FAM53B: variants seen among roughly 807,000 people sequenced by gnomAD.
The protein encoded by FAM53B is family with sequence similarity 53 member B.
FAM53B carries 12 observed loss-of-function variants against 32.7 expected under a neutral mutation model. The ratio of observed to expected loss-of-function variants is 0.37; its 90% CI spans 0.24 to 0.59. The LOEUF (loss-of-function observed/expected upper bound fraction) is 0.59. Ranked by LOEUF, FAM53B falls within the 20% of genes least tolerant of loss-of-function variation. The pLI, the probability that FAM53B is intolerant of heterozygous loss-of-function variation, is 0.72. For synonymous variants in FAM53B, 234 were observed against 228.7 expected, an observed-to-expected ratio of 1.02 and a Z score of -0.21; for missense variants, 477 against 577.7, an observed-to-expected ratio of 0.83 and a Z score of 1.79.
At position 124,619,496 on chromosome 10, in the gene FAM53B, G is replaced by A. The variant is rs1031784325; in HGVS notation, c.*3746C>T. On this transcript the variant is annotated 3_prime_UTR_variant, in exon 5 of 5. Transcript: ENST00000337318. ...CACCCACAACATCCAGCTCAGGGAA[G>A]CCCCTGCAGCCCCAGAAACAGCCTA... 6.6e-6 allele frequency: 1 copy of A among 152,286 alleles called. No homozygotes were observed. Among genetic ancestry groups the A allele is most frequent in the South Asian group, 2.1e-4 (1 of 4,814 alleles). 9.4% of individuals were successfully genotyped at this position (152,286 alleles called of 1,614,324 possible). A position where few individuals can be genotyped will look rare whatever the true frequency, so the allele number is the denominator to read the frequency against.
chr10:124,629,138 CG>C (rs1036040369), intron 4 of FAM53B, among the ~76,000 whole-genome samples: 2 of 152,252 alleles, frequency 1.3e-5, no homozygotes, highest in African/African-American at 4.8e-5. Context: ...AGACTGGCCA[CG>C]GGGCCCTGTG....
chr10:124,673,238 T>C (rs1297072001), intron 4 of FAM53B, among the ~76,000 whole-genome samples: 1 of 152,122 alleles, frequency 6.6e-6, no homozygotes, highest in African/African-American at 2.4e-5. Context: ...CTGCTCACTG[T>C]TGTCCCAAAG....
chr10:124,638,168 G>A (rs1465392445), intron 4 of FAM53B, among the ~76,000 whole-genome samples: 1 of 152,208 alleles, frequency 6.6e-6, no homozygotes, highest in Non-Finnish European at 1.5e-5. Context: ...AGGAGATTGA[G>A]ACCATCCTGG....
intron 4 of FAM53B, among the ~76,000 whole-genome samples, chr10:124,650,961 C>CA (rs144065479): frequency 0.061 from 9,229 of 152,134 alleles, 335 homozygotes; most frequent in East Asian, 0.12. Flanking sequence ...TGCGAGGACT[C>CA]ACGGGCGCTG....
intron 4 of FAM53B, among the ~76,000 whole-genome samples, chr10:124,644,922 C>T (rs1949502060): frequency 6.6e-6 from 1 of 152,190 alleles, no homozygotes; most frequent in Admixed American, 6.5e-5. Flanking sequence ...GATGGTGGCC[C>T]CTCCACATCC....
chr10:124,701,487 G>T (rs1321701201), intron 2 of FAM53B, among the ~76,000 whole-genome samples: 2 of 152,246 alleles, frequency 1.3e-5, no homozygotes, highest in Non-Finnish European at 2.9e-5. Context: ...CTTAAGGGAG[G>T]ATGGGCTGCA....
At chr10:124,739,570 G>A (rs529611994) in intron 1 of FAM53B, among the ~76,000 whole-genome samples, 1 of 152,366 alleles carries the variant, frequency 6.6e-6, no homozygotes, top group African/African-American at 2.4e-5. Context: ...CAAATGGGCT[G>A]TTTACGAACA....
At chr10:124,697,604 G>A (rs1396509241) in intron 2 of FAM53B, among the ~76,000 whole-genome samples, 1 of 152,142 alleles carries the variant, frequency 6.6e-6, no homozygotes, top group African/African-American at 2.4e-5. Context: ...CACTCTTCAT[G>A]GAAGACGGTC....
intron 4 of FAM53B, among the ~76,000 whole-genome samples, chr10:124,625,410 C>T (rs1033538110): frequency 1.3e-5 from 2 of 152,176 alleles, no homozygotes; most frequent in African/African-American, 2.4e-5. Flanking sequence ...CCCCAAGGAG[C>T]CACAGGTCCA....
intron 1 of FAM53B, among the ~76,000 whole-genome samples, chr10:124,741,879 C>G (rs978966382): frequency 1.3e-5 from 2 of 152,172 alleles, no homozygotes; most frequent in Non-Finnish European, 2.9e-5. Context: ...CATTATGAAC[C>G]AAGACAGTGG....
chr10:124,678,241 G>A (rs1337833884), intron 4 of FAM53B, among the ~76,000 whole-genome samples: 9 of 152,176 alleles, frequency 5.9e-5, no homozygotes, highest in African/African-American at 1.7e-4. Context: ...CGACTGTGAC[G>A]ATGATCATAA....
At chr10:124,727,930 TA>T (rs1256021714) in intron 1 of FAM53B, among the ~76,000 whole-genome samples, 2 of 152,160 alleles carry the variant, frequency 1.3e-5, no homozygotes, top group Non-Finnish European at 2.9e-5. Context: ...CCAAGAAATT[TA>T]AAAACTTGTA....
intron 4 of FAM53B, among the ~76,000 whole-genome samples, chr10:124,638,969 T>C (rs932429809): frequency 1.3e-5 from 2 of 152,208 alleles, no homozygotes; most frequent in Admixed American, 6.5e-5. Flanking sequence ...CAGGACCTGC[T>C]GGAGACTGCA....
At chr10:124,640,703 A>G (rs1949464873) in intron 4 of FAM53B, among the ~76,000 whole-genome samples, 1 of 152,164 alleles carries the variant, frequency 6.6e-6, no homozygotes, top group African/African-American at 2.4e-5. Flanking sequence ...CAACCTTGGG[A>G]GGGGGCGCTA....
chr10:124,735,086 G>A (rs569911356), intron 1 of FAM53B, among the ~76,000 whole-genome samples: 83 of 152,274 alleles, frequency 5.5e-4, no homozygotes, highest in African/African-American at 1.8e-3. Context: ...ACCCGCACCC[G>A]GAAGACGCTG....
intron 2 of FAM53B, chr10:124,704,075 A>G (rs1949933764): frequency 1.3e-5 from 2 of 152,516 alleles, no homozygotes; most frequent in African/African-American, 4.8e-5. Context: ...CGGCCACTGC[A>G]GCCAACTGCA....
At chr10:124,685,550 G>T (rs1564877572) in intron 3 of FAM53B, among the ~76,000 whole-genome samples, 1 of 152,262 alleles carries the variant, frequency 6.6e-6, no homozygotes, top group Non-Finnish European at 1.5e-5. Flanking sequence ...AGAGCAGCGA[G>T]GGTGGCCGGT....
chr10:124,708,668 C>G (rs916209114), intron 1 of FAM53B, among the ~76,000 whole-genome samples: 1 of 152,246 alleles, frequency 6.6e-6, no homozygotes, highest in African/African-American at 2.4e-5. Flanking sequence ...ACTCGCCTTT[C>G]AAAGGGGCCT....
intron 4 of FAM53B, among the ~76,000 whole-genome samples, chr10:124,666,771 C>G (rs1354227439): frequency 1.3e-5 from 2 of 152,236 alleles, no homozygotes; most frequent in Non-Finnish European, 2.9e-5. Flanking sequence ...CTCCCCGGGC[C>G]TCCCGGACCA....
Sources: allele counts gnomAD v4.1 joint callset (sites outside exome capture counted in the v4.1 genomes callset), GRCh38; gene constraint gnomAD v4.1.1; transcripts MANE v1.5; gene names NCBI Gene and HGNC (gene_info 2026-07-23, HGNC 2026-07-21).